The following LDLRAD3 variants were observed in gnomAD, a reference collection of about 807,000 sequenced individuals.
LDLRAD3 encodes low density lipoprotein receptor class A domain containing 3, also known as low-density lipoprotein receptor class A domain-containing protein 3.
A neutral mutation model predicts 29.4 loss-of-function variants in LDLRAD3; 20 were observed. The observed-to-expected ratio is 0.68, with a 90% CI of 0.48 to 0.99. The LOEUF is 0.99. Among genes scored for constraint, LDLRAD3 ranks in the 50% least tolerant of loss-of-function variants. The pLI, the probability that LDLRAD3 is intolerant of heterozygous loss-of-function variation, is 0.00. For synonymous variants in LDLRAD3, 157 were observed against 192.7 expected, an observed-to-expected ratio of 0.81 and a Z score of 1.53; for missense variants, 420 against 454.3, an observed-to-expected ratio of 0.92 and a Z score of 0.69.
intron 2 of LDLRAD3, among the ~76,000 whole-genome samples, chr11:36,049,080 A>G (rs1030124134): frequency 3.3e-5 from 5 of 152,170 alleles, no homozygotes; most frequent in African/African-American, 4.8e-5. Context: ...GAGTGTGGTC[A>G]GGTTGCCTGG....
chr11:35,968,178 C>T (rs540100653), intron 1 of LDLRAD3: 54 of 424,856 alleles, frequency 1.3e-4, no homozygotes, highest in African/African-American at 9.2e-4. Context: ...AAGATCATCT[C>T]GAATTTTCCT....
chr11:36,097,193 T>C (rs1332888120), intron 3 of LDLRAD3, among the ~76,000 whole-genome samples: 1 of 152,222 alleles, frequency 6.6e-6, no homozygotes, highest in East Asian at 1.9e-4. Flanking sequence ...AAATGCTCAC[T>C]GACCAACTAG....
chr11:35,967,302 G>C lies in LDLRAD3; in HGVS notation c.46+23158G>C, dbSNP rs532392397. On this transcript the variant is annotated intron_variant, in intron 1 of 5. Transcript: ENST00000315571. ...GCAGAAGGTCTCTCTCCTGGATCAG[G>C]GTGGATCATGTGCTTGAGCAGACTG... 6.9e-4 allele frequency: 144 copies of C among 209,268 alleles called. 1 individual carries two copies. Among genetic ancestry groups the C allele is most frequent in the African/African-American group, 3.2e-3 (135 of 42,508 alleles). 13.0% of individuals were successfully genotyped at this position (209,268 alleles called of 1,614,324 possible).
At chr11:36,179,167 C>G (rs541049329) in intron 4 of LDLRAD3, among the ~76,000 whole-genome samples, 1 of 152,022 alleles carries the variant, frequency 6.6e-6, no homozygotes, top group Non-Finnish European at 1.5e-5. Context: ...CTGGAGATTC[C>G]GAATGAAAAG....
intron 4 of LDLRAD3, among the ~76,000 whole-genome samples, chr11:36,155,862 T>TA (rs1839893367): frequency 6.6e-6 from 1 of 152,134 alleles, no homozygotes; most frequent in South Asian, 2.1e-4. Context: ...TCTTGGTCCT[T>TA]AAAAGTCCTG....
intron 4 of LDLRAD3, among the ~76,000 whole-genome samples, chr11:36,126,012 C>G (rs748447095): frequency 2.0e-5 from 3 of 152,140 alleles, no homozygotes; most frequent in Non-Finnish European, 4.4e-5. Flanking sequence ...ACTGTGGAAC[C>G]AGGAAGTCAG....
chr11:36,179,851 G>A (rs561552284), intron 4 of LDLRAD3, among the ~76,000 whole-genome samples: 1 of 151,798 alleles, frequency 6.6e-6, no homozygotes, highest in Non-Finnish European at 1.5e-5. Context: ...AAAATTAGCC[G>A]GACATGGTAG....
intron 1 of LDLRAD3, among the ~76,000 whole-genome samples, chr11:36,014,944 AC>A (rs1852002384): frequency 6.6e-6 from 1 of 152,118 alleles, no homozygotes; most frequent in Non-Finnish European, 1.5e-5. Context: ...TCAGTGAAGA[AC>A]CCCCTAGGAT....
At position 36,166,137 on chromosome 11, in the gene LDLRAD3, A is replaced by G. The variant is rs80044117; in HGVS notation, c.455-60948A>G. ...CTGCTCTTTCCGCTGAACATGATTT[A>G]TAGTTGTTTGGCAGAAGGTCAAAAT... On this transcript the variant is annotated intron_variant, in intron 4 of 5. Transcript: ENST00000315571. Among the ~76,000 whole-genome samples the G allele has an allele frequency of 2.2e-3, 340 of 152,182 alleles. 4 individuals carry two copies. In the East Asian group the frequency reaches 0.023, roughly 10 times the overall value.
intron 1 of LDLRAD3, among the ~76,000 whole-genome samples, chr11:35,949,165 T>C (rs1851099805): frequency 6.6e-6 from 1 of 152,206 alleles, no homozygotes; most frequent in Non-Finnish European, 1.5e-5. Flanking sequence ...AAACCCATTC[T>C]TAACCAGGAA....
intron 2 of LDLRAD3, among the ~76,000 whole-genome samples, chr11:36,045,710 G>A (rs543903161): frequency 3.6e-4 from 54 of 148,944 alleles, no homozygotes; most frequent in Non-Finnish European, 7.0e-4. Flanking sequence ...TAAGTCTCAC[G>A]AGATCTGATG....
chr11:36,224,490 A>G (rs1855472575), intron 4 of LDLRAD3, among the ~76,000 whole-genome samples: 2 of 152,250 alleles, frequency 1.3e-5, no homozygotes, highest in African/African-American at 4.8e-5. Context: ...AGAACAGACA[A>G]AACTCCAGTA....
intron 1 of LDLRAD3, among the ~76,000 whole-genome samples, chr11:36,006,553 T>A (rs940265755): frequency 6.6e-6 from 1 of 152,232 alleles, no homozygotes; most frequent in Non-Finnish European, 1.5e-5. Flanking sequence ...CCATAGCTGC[T>A]GCAGTTCCTA....
chr11:36,137,026 ATTTC>A (rs946048572), intron 4 of LDLRAD3, among the ~76,000 whole-genome samples: 21 of 152,112 alleles, frequency 1.4e-4, no homozygotes, highest in African/African-American at 5.1e-4. Context: ...AGACTCAGGT[ATTTC>A]TTTATAGCAA....
At chr11:35,972,461 A>G (rs1043669475) in intron 1 of LDLRAD3, 1 of 151,992 alleles carries the variant, frequency 6.6e-6, no homozygotes, top group Non-Finnish European at 1.5e-5. Context: ...ATATAATGGT[A>G]TAAAATTGGA....
In LDLRAD3 at chr11:36,065,332, A is replaced by G. The variant is rs149848418; in HGVS notation, c.194-16321A>G. Among the ~76,000 whole-genome samples, 471 of 152,270 alleles carry G rather than the reference A, an allele frequency of 3.1e-3. 3 individuals are homozygous for G. Among genetic ancestry groups the G allele is most frequent in the African/African-American group, 0.011 (448 of 41,556 alleles). On this transcript the variant is annotated intron_variant, in intron 2 of 5. Transcript: ENST00000315571. ...TTGTCTGATATTAGTATAGCCACTT[A>G]TACTCTCCTGATTTCAAATATTTTT... is the stretch of plus-strand genomic sequence containing the variant.
chr11:35,991,081 G>C lies in LDLRAD3; in HGVS notation c.47-45022G>C, dbSNP rs187436416. Among the ~76,000 whole-genome samples, 19 of 152,320 alleles carry C rather than the reference G, an allele frequency of 1.2e-4. No homozygotes were observed. In the East Asian group the frequency reaches 3.5e-3, roughly 28 times the overall value. ...TCTGCGGTCTTTTCAGACCTTGGAGGCTATCGTATCAATAAAACCAGAGCA... is the reference window on the plus strand; with the variant it reads ...TCTGCGGTCTTTTCAGACCTTGGAGCCTATCGTATCAATAAAACCAGAGCA... On this transcript the variant is annotated intron_variant, in intron 1 of 5. Coordinates refer to ENST00000315571, the MANE Select transcript of LDLRAD3 (RefSeq NM_174902.4).
intron 2 of LDLRAD3, among the ~76,000 whole-genome samples, chr11:36,051,124 C>A (rs770861030): frequency 4.6e-5 from 7 of 152,262 alleles, no homozygotes; most frequent in Admixed American, 1.3e-4. Context: ...GGTGGAAGGA[C>A]TTTCATGGAA....
At chr11:36,035,562 T>G (rs1334427683) in intron 1 of LDLRAD3, among the ~76,000 whole-genome samples, 1 of 152,184 alleles carries the variant, frequency 6.6e-6, no homozygotes. Context: ...TGTGGCCTTT[T>G]CTACCTGTGC....
Sources: allele counts gnomAD v4.1 joint callset (sites outside exome capture counted in the v4.1 genomes callset), GRCh38; gene constraint gnomAD v4.1.1; transcripts MANE v1.5; gene names NCBI Gene and HGNC (gene_info 2026-07-23, HGNC 2026-07-21).